Variants in MYLK observed in about 807,000 individuals in gnomAD.
MYLK encodes the protein myosin light chain kinase, also known as myosin light chain kinase, smooth muscle.
In MYLK, 106 loss-of-function variants were observed where a neutral mutation model predicts 203.4. That is an observed-to-expected ratio of 0.52 (90% CI 0.45 to 0.61). The LOEUF (loss-of-function observed/expected upper bound fraction) is 0.61, where lower values mean the gene tolerates loss of function less well. Ranked by LOEUF, MYLK falls within the 20% of genes least tolerant of loss-of-function variation. The probability of loss-of-function intolerance (pLI) is 0.00; values close to 1 mark genes in which losing one functional copy is unlikely to be tolerated. For synonymous variants in MYLK, 867 were observed against 959.5 expected (o/e 0.90, Z 1.78); for missense variants, 2,072 against 2,442.3 (o/e 0.85, Z 3.20).
Position 123,614,108 on chromosome 3 carries a change from C to T in MYLK, c.5742G>A (p.Glu1914=). The T allele has an allele frequency of 6.2e-7, 1 of 1,610,094 alleles. No homozygotes were observed. ...EGEGEGEEEE[E] Reference sequence around the variant, plus strand: ...ACTGCTTTTCTCTGGCTTTGTTTCACTCTTCTTCCTCTTCCCCTTCCCCTT... The same window carrying T: ...ACTGCTTTTCTCTGGCTTTGTTTCATTCTTCTTCCTCTTCCCCTTCCCCTT... Residue 1914 remains glutamate (E), a synonymous_variant, in exon 34 of 34, where the codon GAG becomes GAA. Transcript: ENST00000360304.
At position 123,733,815 on chromosome 3, in the gene MYLK, A is replaced by G; in HGVS notation, c.1181T>C (p.Val394Ala). The G allele has an allele frequency of 6.2e-7, 1 of 1,613,992 alleles. No individual in the cohort carries two copies. ...TCTCCTGTTAGCAGCCTTGCTCACA[A>G]CATCTTGGCTCCCCAGGCCAGGCTG... ...TRQPGLGSQD[V>A]VSKAANRRIP... Residue 394 changes from valine (V) to alanine (A), a missense_variant, in exon 10 of 34, where the codon GTT becomes GCT. By Grantham distance (64) the Val-to-Ala change is moderately conservative (BLOSUM62 0). Around this residue, in one of 3 missense-constraint regions of MYLK, gnomAD observed 683 missense variants for 643.8 expected, o/e 1.06. Coordinates refer to ENST00000360304, the MANE Select transcript of MYLK (RefSeq NM_053025.4).
intron 18 of MYLK, among the ~76,000 whole-genome samples, chr3:123,695,577 T>C (rs962840782): frequency 6.6e-6 from 1 of 152,092 alleles, no homozygotes; most frequent in African/African-American, 2.4e-5. Flanking sequence ...AAATTCAGAG[T>C]TCTTTGAGTG....
rs781537195 is a variant in MYLK at position 123,737,498 on chromosome 3, T to C, written c.634A>G (p.Lys212Glu). 1 of 1,614,190 alleles carries C rather than the reference T, an allele frequency of 6.2e-7. No homozygotes were observed. The highest frequency in any genetic ancestry group is 1.1e-5 in the South Asian group (1 of 91,062). Residue 212 changes from lysine to glutamate, a missense_variant, in exon 8 of 34, where the codon AAG becomes GAG. Lys to Glu is a moderately conservative substitution (Grantham distance 56). Coordinates refer to ENST00000360304, the MANE Select transcript of MYLK (RefSeq NM_053025.4). ...ATTTCCAGAACCTGCATGCCGTTCT[T>C]CTCAGACACAGACACACGGGCACTC... ...QPSARVSVSE[K>E]NGMQVLEIHG...
intron 24 of MYLK, among the ~76,000 whole-genome samples, chr3:123,652,848 A>G (rs1043247666): frequency 1.3e-5 from 2 of 152,094 alleles, no homozygotes; most frequent in African/African-American, 2.4e-5. Context: ...TTGGGAGTAC[A>G]TTGTCAGTTC....
At chr3:123,635,249 A>C (rs527561487) in intron 29 of MYLK, among the ~76,000 whole-genome samples, 11 of 152,346 alleles carry the variant, frequency 7.2e-5, no homozygotes, top group African/African-American at 2.4e-4. Context: ...CATGAGGGCC[A>C]CCAGAGAGCC....
At chr3:123,846,945 T>A (rs1290503140) in intron 2 of MYLK, among the ~76,000 whole-genome samples, 1 of 152,124 alleles carries the variant, frequency 6.6e-6, no homozygotes, top group Non-Finnish European at 1.5e-5. Flanking sequence ...TAAATAGTAC[T>A]TTAATATGTT....
chr3:123,711,273 T>C (rs200285865), intron 13 of MYLK, among the ~76,000 whole-genome samples: 1 of 151,886 alleles, frequency 6.6e-6, no homozygotes, highest in Non-Finnish European at 1.5e-5. Context: ...ATTTCACTTT[T>C]AAAAATCATG....
At chr3:123,837,212 A>G (rs1400713635) in intron 2 of MYLK, among the ~76,000 whole-genome samples, 2 of 151,944 alleles carry the variant, frequency 1.3e-5, no homozygotes, top group Non-Finnish European at 2.9e-5. Context: ...TTGCACTTTT[A>G]GTAGACACAG....
At chr3:123,844,547 A>G (rs546621664) in intron 2 of MYLK, among the ~76,000 whole-genome samples, 2 of 147,088 alleles carry the variant, frequency 1.4e-5, no homozygotes, top group Admixed American at 7.0e-5. Flanking sequence ...TACCTTAGGG[A>G]AGTCACTTAA....
chr3:123,637,680 T>TG (rs1319462744), intron 29 of MYLK, among the ~76,000 whole-genome samples: 9 of 152,170 alleles, frequency 5.9e-5, no homozygotes, highest in Admixed American at 5.9e-4. Flanking sequence ...ACAATGAGGA[T>TG]GCCCAGAGAT....
chr3:123,716,679 T>A (rs72970845), intron 13 of MYLK, among the ~76,000 whole-genome samples: 7,659 of 152,240 alleles, frequency 0.05, 617 homozygotes, highest in African/African-American at 0.17. Flanking sequence ...ACACTCTCAG[T>A]TACACTGTCA....
At chr3:123,752,662 C>T (rs1373925811) in intron 4 of MYLK, 124 bp from the exon 5 acceptor site, 2 of 989,590 alleles carry the variant, frequency 2.0e-6, no homozygotes, top group Admixed American at 2.1e-5. Context: ...CCATTTCATC[C>T]TCATTTTACA....
intron 31 of MYLK, chr3:123,622,312 G>A (rs1477303482): frequency 6.6e-6 from 1 of 152,276 alleles, no homozygotes; most frequent in African/African-American, 2.4e-5. Flanking sequence ...GGGAGACCTT[G>A]TGCAAGTCAG....
chr3:123,718,119 C>T (rs1355833510), intron 13 of MYLK, among the ~76,000 whole-genome samples: 1 of 152,108 alleles, frequency 6.6e-6, no homozygotes, highest in Non-Finnish European at 1.5e-5. Flanking sequence ...GCCTTGGCCT[C>T]CCAAAGTGCT....
At chr3:123,734,281 A>T (rs1015740864) in intron 9 of MYLK, 59 bp from the exon 10 acceptor site, 1 of 1,443,258 alleles carries the variant, frequency 6.9e-7, no homozygotes, top group Non-Finnish European at 9.2e-7. Flanking sequence ...TAGAATGATC[A>T]TCTGGTTACT....
chr3:123,801,057 T>C (rs1312397159), intron 3 of MYLK, among the ~76,000 whole-genome samples: 1 of 152,260 alleles, frequency 6.6e-6, no homozygotes, highest in Non-Finnish European at 1.5e-5. Flanking sequence ...AAAAAGAATT[T>C]AATGAGAAGA....
intron 18 of MYLK, among the ~76,000 whole-genome samples, chr3:123,694,968 G>A (rs2060852014): frequency 6.6e-6 from 1 of 152,236 alleles, no homozygotes; most frequent in Non-Finnish European, 1.5e-5. Context: ...AGAGGGAGAT[G>A]AGGGGGATGG....
intron 16 of MYLK, among the ~76,000 whole-genome samples, chr3:123,705,267 T>A (rs536045518): frequency 8.5e-5 from 13 of 152,272 alleles, no homozygotes; most frequent in African/African-American, 2.9e-4. Context: ...CTCCACTGAC[T>A]TGCTTCTTCT....
intron 13 of MYLK, among the ~76,000 whole-genome samples, chr3:123,718,636 G>A (rs149427449): frequency 0.031 from 4,678 of 152,014 alleles, 98 homozygotes; most frequent in Middle Eastern, 0.051. Context: ...CTTTCCCCAG[G>A]CCATGGACAC....
Sources: gnomAD v4.1 joint callset for allele counts (sites outside exome capture counted in the v4.1 genomes callset) on GRCh38, gnomAD v4.1.1 for gene constraint, gnomAD v4.1.1 regional missense constraint, MANE v1.5 for transcripts, NCBI Gene and HGNC (gene_info 2026-07-23, HGNC 2026-07-21) for gene names.